SZRD1: variants seen among roughly 807,000 people sequenced by gnomAD.
SZRD1 encodes SUZ RNA-binding domain-containing.
A neutral mutation model predicts 17.6 loss-of-function variants in SZRD1; 7 were observed. The ratio of observed to expected loss-of-function variants is 0.40; its 90% CI spans 0.23 to 0.75. The LOEUF (loss-of-function observed/expected upper bound fraction) is 0.75. Ranked by LOEUF, SZRD1 falls within the 30% of genes least tolerant of loss-of-function variation. The pLI, the probability that SZRD1 is intolerant of heterozygous loss-of-function variation, is 0.38. For missense variants in SZRD1, 178 were observed against 201.8 expected, an observed-to-expected ratio of 0.88 and a Z score of 0.71; for synonymous variants, 77 against 77.9, an observed-to-expected ratio of 0.99 and a Z score of 0.06.
chr1:16,373,734 G>A (rs1176984981), intron 1 of SZRD1, among the ~76,000 whole-genome samples: 1 of 151,912 alleles, frequency 6.6e-6, no homozygotes, highest in Non-Finnish European at 1.5e-5. Flanking sequence ...CTCCCGAGTA[G>A]CTGGGACTAC....
chr1:16,372,254 C>A (rs1285156553), intron 1 of SZRD1, among the ~76,000 whole-genome samples: 1 of 152,088 alleles, frequency 6.6e-6, no homozygotes, highest in African/African-American at 2.4e-5. Flanking sequence ...GGGCAGATCA[C>A]CTGAGGTCAC....
intron 1 of SZRD1, among the ~76,000 whole-genome samples, chr1:16,377,088 T>C (rs945619385): frequency 1.3e-5 from 2 of 152,192 alleles, no homozygotes; most frequent in Admixed American, 1.3e-4. Context: ...CCTCTTGTGT[T>C]CCATTCTGCC....
At chr1:16,368,699 A>C (rs754713149) in intron 1 of SZRD1, among the ~76,000 whole-genome samples, 4 of 152,188 alleles carry the variant, frequency 2.6e-5, no homozygotes, top group Non-Finnish European at 4.4e-5. Context: ...TGTGCTTATC[A>C]GTGACTTTGT....
At chr1:16,367,567 C>T (rs1050363805) in intron 1 of SZRD1, 8 of 512,208 alleles carry the variant, frequency 1.6e-5, no homozygotes, top group South Asian at 1.5e-4. Flanking sequence ...CACCCGCCAC[C>T]CGGGGCCTCC....
At chr1:16,373,881 G>A (rs1294621968) in intron 1 of SZRD1, among the ~76,000 whole-genome samples, 2 of 152,276 alleles carry the variant, frequency 1.3e-5, no homozygotes, top group East Asian at 3.9e-4. Flanking sequence ...GGGATTGCAG[G>A]CGTGAGCCAC....
chr1:16,369,900 A>AAC (rs2082883159), intron 1 of SZRD1, among the ~76,000 whole-genome samples: 1 of 99,158 alleles, frequency 1.0e-5, no homozygotes, highest in East Asian at 2.5e-4. Flanking sequence ...AAAAAAAAAC[A>AAC]AAAAAAAAAA....
Position 16,395,605 on chromosome 1 carries a change from CT to C in SZRD1, c.*475del, listed in dbSNP as rs145874191. 2.9e-4 allele frequency: 46 copies of C among 156,468 alleles called. No homozygotes were observed. The highest frequency in any genetic ancestry group is 9.0e-4 in the South Asian group (5 of 5,574). The allele number at this position is 156,468 out of a possible 1,614,324, so 9.7% of individuals were successfully genotyped here. A position where few individuals can be genotyped will look rare whatever the true frequency, so the allele number is the denominator to read the frequency against. On this transcript the variant is annotated 3_prime_UTR_variant, in exon 4 of 4. Coordinates refer to ENST00000401088, the MANE Select transcript of SZRD1 (RefSeq NM_001114600.3). The stretch of plus-strand genomic sequence containing the variant: ...TAAGTTCCATTTGAAAATATCCTTT[CT>C]TTTTTTTTTCTTCCTATTTTTGTTT...
chr1:16,388,919 A>T (rs958864774), intron 1 of SZRD1, among the ~76,000 whole-genome samples: 1 of 151,966 alleles, frequency 6.6e-6, no homozygotes, highest in African/African-American at 2.4e-5. Flanking sequence ...AAATGTTGGG[A>T]TTACAGGCAT....
At chr1:16,389,080 CTT>C (rs779460255) in intron 1 of SZRD1, among the ~76,000 whole-genome samples, 8,376 of 113,998 alleles carry the variant, frequency 0.073, 96 homozygotes, top group Non-Finnish European at 0.11. Context: ...TAGTTATTTC[CTT>C]TTTTTTTTTT....
At chr1:16,381,884 C>G (rs956932677) in intron 1 of SZRD1, among the ~76,000 whole-genome samples, 2 of 152,038 alleles carry the variant, frequency 1.3e-5, no homozygotes, top group Non-Finnish European at 2.9e-5. Flanking sequence ...GAGATCGTGC[C>G]ACTGCACTCC....
At chr1:16,388,865 C>T (rs2085172488) in intron 1 of SZRD1, among the ~76,000 whole-genome samples, 1 of 151,494 alleles carries the variant, frequency 6.6e-6, no homozygotes, top group Admixed American at 6.6e-5. Context: ...CCAAACTGGT[C>T]ACAAACTCCT....
chr1:16,372,000 G>A (rs996696834), intron 1 of SZRD1, among the ~76,000 whole-genome samples: 1 of 152,154 alleles, frequency 6.6e-6, no homozygotes, highest in Non-Finnish European at 1.5e-5. Flanking sequence ...TATAGCTTCC[G>A]AATTCTTAGT....
intron 1 of SZRD1, among the ~76,000 whole-genome samples, chr1:16,380,200 C>A (rs1191551892): frequency 6.6e-6 from 1 of 152,124 alleles, no homozygotes; most frequent in Admixed American, 6.6e-5. Context: ...CAGAGGCAGG[C>A]AAGGTGGTGC....
rs1294648252 is a variant in SZRD1, at chr1:16,395,076, C to A, written c.395C>A (p.Pro132His). ...TCCCAACCCGAAGACAGCAGGCAGC[C>A]CAATAATGTGATCAGACAGCCTTTG... Reference protein sequence around the residue: ...RISQPEDSRQPNNVIRQPLGP... With the variant: ...RISQPEDSRQHNNVIRQPLGP... The change falls in exon 4 of 4, where the codon CCC becomes CAC. Residue 132 changes from proline (P) to histidine (H), a missense_variant. Around this residue, in one of 3 missense-constraint regions of SZRD1, gnomAD observed 57 missense variants for 71.9 expected, o/e 0.79. Coordinates refer to ENST00000401088, the MANE Select transcript of SZRD1 (RefSeq NM_001114600.3). 3 of 1,613,850 alleles carry A rather than the reference C, an allele frequency of 1.9e-6. No homozygotes were observed. The highest frequency in any genetic ancestry group is 2.5e-6 in the Non-Finnish European group (3 of 1,179,848).
chr1:16,367,642 T>A, intron 1 of SZRD1: 1 of 378,418 alleles, frequency 2.6e-6, no homozygotes, highest in Non-Finnish European at 4.8e-6. Context: ...ATGAGCCTTG[T>A]GGCCCGAGGC....
intron 1 of SZRD1, among the ~76,000 whole-genome samples, chr1:16,373,156 C>T (rs1029202409): frequency 1.3e-5 from 2 of 150,136 alleles, no homozygotes; most frequent in Non-Finnish European, 2.9e-5. Context: ...TATGTAGGGG[C>T]CAGATTGGGA....
chr1:16,389,051 G>T, intron 1 of SZRD1, among the ~76,000 whole-genome samples: 1 of 146,368 alleles, frequency 6.8e-6, no homozygotes. Flanking sequence ...ACTTTGAACT[G>T]CACCCATCAA....
intron 1 of SZRD1, among the ~76,000 whole-genome samples, chr1:16,385,800 C>T (rs1285439420): frequency 6.6e-6 from 1 of 152,190 alleles, no homozygotes; most frequent in Admixed American, 6.5e-5. Flanking sequence ...CATCAGCAGC[C>T]AGTGAAGCTG....
chr1:16,384,477 T>C (rs1013034262), intron 1 of SZRD1, among the ~76,000 whole-genome samples: 1 of 152,172 alleles, frequency 6.6e-6, no homozygotes, highest in African/African-American at 2.4e-5. Flanking sequence ...TGCTTCTACC[T>C]GTGAATTCTT....
Sources: gnomAD v4.1 joint callset for allele counts (sites outside exome capture counted in the v4.1 genomes callset) on GRCh38, gnomAD v4.1.1 for gene constraint, gnomAD v4.1.1 regional missense constraint, MANE v1.5 for transcripts, NCBI Gene and HGNC (gene_info 2026-07-23, HGNC 2026-07-21) for gene names.